The following TMEM51 variants were observed in gnomAD, a reference collection of about 807,000 sequenced individuals.
The protein encoded by TMEM51 is chromosome 1 open reading frame 72.
A neutral mutation model predicts 13.6 loss-of-function variants in TMEM51; 8 were observed. That is an observed-to-expected ratio of 0.59 (90% CI 0.35 to 1.07). The LOEUF is 1.07. Ranked by LOEUF, TMEM51 falls within the 50% of genes least tolerant of loss-of-function variation. The pLI, the probability that TMEM51 is intolerant of heterozygous loss-of-function variation, is 0.02. For synonymous variants in TMEM51, 147 were observed against 144.4 expected, an observed-to-expected ratio of 1.02 and a Z score of -0.13; for missense variants, 279 against 330.7, an observed-to-expected ratio of 0.84 and a Z score of 1.21.
Position 15,219,765 on chromosome 1 carries a change from TC to T in TMEM51, c.*25del. 1 of 1,607,002 alleles carries T rather than the reference TC, an allele frequency of 6.2e-7. No individual in the cohort carries two copies. Among genetic ancestry groups the T allele is most frequent in the Non-Finnish European group, 8.5e-7 (1 of 1,176,702 alleles). ...CTGAATGGCCCCACTTGAGCCACGC[TC>T]CCTCCTGTCTCTCACACCTTTCACC... On this transcript the variant is annotated 3_prime_UTR_variant, in exon 4 of 4. Transcript: ENST00000376008.
Position 15,215,042 on chromosome 1 carries a change from A to G in TMEM51, c.-46A>G, listed in dbSNP as rs754937411. 6.7e-5 allele frequency: 104 copies of G among 1,548,284 alleles called. No homozygotes were observed. The East Asian group carries it at 2.3e-3, about 34-fold the overall frequency. On this transcript the variant is annotated 5_prime_UTR_variant, in exon 3 of 4. Transcript: ENST00000376008. Reference sequence around the variant, plus strand: ...TTGTTGTGACTGCTGCCTTGTATACATTTATTTTCTTTCTTGGAACTGGGC... The same window carrying G: ...TTGTTGTGACTGCTGCCTTGTATACGTTTATTTTCTTTCTTGGAACTGGGC...
At chr1:15,184,103 G>C (rs908748307) in intron 1 of TMEM51, among the ~76,000 whole-genome samples, 2 of 126,622 alleles carry the variant, frequency 1.6e-5, no homozygotes, top group Non-Finnish European at 3.5e-5. Context: ...GCAGTGGCAC[G>C]ATCTCAGTTC....
At position 15,198,606 on chromosome 1, in the gene TMEM51, C is replaced by T. The variant is rs370376735; in HGVS notation, c.-266-11884C>T. On this transcript the variant is annotated intron_variant, in intron 1 of 3. Transcript: ENST00000376008. ...CTAATTTTTGTATTTTTAGTAGAGACGGGGTTTCACCATGTTGACCAGGCT... is the reference window on the plus strand; with the variant it reads ...CTAATTTTTGTATTTTTAGTAGAGATGGGGTTTCACCATGTTGACCAGGCT... Among the ~76,000 whole-genome samples, 206 of 151,962 alleles carry T rather than the reference C, an allele frequency of 1.4e-3. 5 individuals carry two copies. In the South Asian group the frequency reaches 0.04, roughly 30 times the overall value.
intron 3 of TMEM51, among the ~76,000 whole-genome samples, chr1:15,216,663 C>G (rs1207171763): frequency 6.6e-6 from 1 of 152,046 alleles, no homozygotes; most frequent in African/African-American, 2.4e-5. Flanking sequence ...GAGTTTGTAC[C>G]AGTATATTTA....
chr1:15,160,618 A>C (rs1642744648), intron 1 of TMEM51, among the ~76,000 whole-genome samples: 1 of 152,052 alleles, frequency 6.6e-6, no homozygotes, highest in Admixed American at 6.5e-5. Context: ...AACTTTCTTA[A>C]GTTACCATAA....
rs549 is a variant in TMEM51 at position 15,220,329 on chromosome 1, A to C, written c.*586A>C. 1.3e-5 allele frequency: 2 copies of C among 149,694 alleles called. No homozygotes were observed. Among genetic ancestry groups the C allele is most frequent in the African/African-American group, 5.0e-5 (2 of 40,290 alleles). The allele number at this position is 149,694 out of a possible 1,614,324, so 9.3% of individuals were successfully genotyped here. The stretch of plus-strand genomic sequence containing the variant: ...CCTGATGAACGTAGGCACGTGATGC[A>C]TAATAGTCTTCAATGGTACACTTAA... On this transcript the variant is annotated 3_prime_UTR_variant, in exon 4 of 4. Transcript: ENST00000376008.
intron 1 of TMEM51, among the ~76,000 whole-genome samples, chr1:15,154,730 G>A (rs1046181925): frequency 6.6e-6 from 1 of 152,200 alleles, no homozygotes; most frequent in African/African-American, 2.4e-5. Context: ...AGCGGTGGGG[G>A]CGAGAGACCT....
intron 1 of TMEM51, among the ~76,000 whole-genome samples, chr1:15,163,415 A>C (rs10927691): frequency 0.23 from 35,285 of 151,614 alleles, 4,523 homozygotes; most frequent in African/African-American, 0.32. Flanking sequence ...GCCTTACCCC[A>C]ACTTCAACTG....
rs12039330 is a variant in TMEM51 at position 15,177,935 on chromosome 1, G to A, written c.-267+23981G>A. On this transcript the variant is annotated intron_variant, in intron 1 of 3. Coordinates refer to ENST00000376008, the MANE Select transcript of TMEM51 (RefSeq NM_001136218.2). Reference sequence around the variant, plus strand: ...AACCCATACGCGCTGATGAATCCTGGCAACTCCGTTAGGGAGACACGACTT... The same window carrying A: ...AACCCATACGCGCTGATGAATCCTGACAACTCCGTTAGGGAGACACGACTT... 0.01 allele frequency among the ~76,000 whole-genome samples: 1,551 copies of A among 152,280 alleles called. 155 individuals carry two copies. In the East Asian group the frequency reaches 0.23, roughly 23 times the overall value.
At chr1:15,205,971 C>T (rs1644240877) in intron 1 of TMEM51, among the ~76,000 whole-genome samples, 1 of 152,174 alleles carries the variant, frequency 6.6e-6, no homozygotes, top group African/African-American at 2.4e-5. Flanking sequence ...TCCAGTAGCT[C>T]ATGCCTGGTA....
At chr1:15,186,472 G>C (rs761294) in intron 1 of TMEM51, among the ~76,000 whole-genome samples, 81,626 of 152,096 alleles carry the variant, frequency 0.54, 22,411 homozygotes, top group East Asian at 0.64. Flanking sequence ...GAGGGAGAGC[G>C]GGGGGTCATG....
upstream of TMEM51, among the ~76,000 whole-genome samples, chr1:15,153,448 G>A (rs1445091129): frequency 6.6e-6 from 1 of 152,206 alleles, no homozygotes. Context: ...GCCCTAGGGA[G>A]GAGGGGGGAT....
intron 1 of TMEM51, among the ~76,000 whole-genome samples, chr1:15,173,678 A>G (rs1455238683): frequency 1.2e-5 from 1 of 86,864 alleles, no homozygotes; most frequent in African/African-American, 3.0e-5. Flanking sequence ...ACTCCATCTA[A>G]AAAAAAAAAA....
At chr1:15,175,171 G>A (rs890543794) in intron 1 of TMEM51, among the ~76,000 whole-genome samples, 2 of 152,102 alleles carry the variant, frequency 1.3e-5, no homozygotes, top group Non-Finnish European at 1.5e-5. Context: ...AGGCCGAGGT[G>A]GGTGGATTAT....
chr1:15,199,687 C>A (rs1186994574), intron 1 of TMEM51, among the ~76,000 whole-genome samples: 1 of 152,156 alleles, frequency 6.6e-6, no homozygotes, highest in Non-Finnish European at 1.5e-5. Flanking sequence ...CAGGGCCCTC[C>A]AGCTCTGAAA....
At chr1:15,176,629 C>T (rs1044543384) in intron 1 of TMEM51, among the ~76,000 whole-genome samples, 4 of 152,178 alleles carry the variant, frequency 2.6e-5, no homozygotes, top group Non-Finnish European at 4.4e-5. Context: ...TCTGGTCTTC[C>T]CCTGAGAGAG....
At chr1:15,174,696 AT>A (rs1643399925) in intron 1 of TMEM51, among the ~76,000 whole-genome samples, 1 of 152,054 alleles carries the variant, frequency 6.6e-6, no homozygotes. Context: ...ATAGAAATTT[AT>A]TTTCTTGAAG....
intron 2 of TMEM51, among the ~76,000 whole-genome samples, chr1:15,212,628 C>T (rs183596400): frequency 6.6e-6 from 1 of 152,206 alleles, no homozygotes; most frequent in South Asian, 2.1e-4. Context: ...TTTGGTAGAA[C>T]CGGTGCATTC....
At chr1:15,213,540 C>T (rs900831393) in intron 2 of TMEM51, among the ~76,000 whole-genome samples, 1 of 152,156 alleles carries the variant, frequency 6.6e-6, no homozygotes, top group African/African-American at 2.4e-5. Context: ...ATTGCTTGCT[C>T]CTCCTCCTCA....
Sources: allele counts gnomAD v4.1 joint callset (sites outside exome capture counted in the v4.1 genomes callset), GRCh38; gene constraint gnomAD v4.1.1; transcripts MANE v1.5; gene names NCBI Gene and HGNC (gene_info 2026-07-23, HGNC 2026-07-21).